SGCZ: variants seen among roughly 807,000 people sequenced by gnomAD.
SGCZ encodes sarcoglycan zeta, also known as zeta-sarcoglycan.
SGCZ carries 40 observed loss-of-function variants against 41.3 expected under a neutral mutation model. That is an observed-to-expected ratio of 0.97 (90% CI 0.75 to 1.26). SGCZ has a LOEUF of 1.26. SGCZ is among the 50% of genes most tolerant of loss of function. The pLI, the probability that SGCZ is intolerant of heterozygous loss-of-function variation, is 0.00. For synonymous variants in SGCZ, 206 were observed against 137.5 expected, an observed-to-expected ratio of 1.50 and a Z score of -3.49; for missense variants, 552 against 369.8, an observed-to-expected ratio of 1.49 and a Z score of -4.04.
chr8:14,488,994 AAT>A (rs1428816139), intron 2 of SGCZ, among the ~76,000 whole-genome samples: 3 of 149,134 alleles, frequency 2.0e-5, no homozygotes, highest in African/African-American at 7.3e-5. Context: ...AGATATACAT[AAT>A]ATATATGTAT....
At position 14,142,999 on chromosome 8, in the gene SGCZ, T is replaced by TAAA. The variant is rs75035278; in HGVS notation, c.547+21578_547+21580dup. ...CAATAAAACGTTTTTCTTTATAAAT[T>TAAA]AAAAAAAAAAAAAGAATCAACCAAC... is the stretch of plus-strand genomic sequence containing the variant. On this transcript the variant is annotated intron_variant, in intron 5 of 7. Transcript: ENST00000382080. Among the ~76,000 whole-genome samples the TAAA allele has an allele frequency of 2.9e-3, 409 of 142,686 alleles. 1 individual carries two copies. The highest frequency in any genetic ancestry group is 9.7e-3 in the African/African-American group (379 of 38,924). The allele number at this position is 142,686 out of a possible 152,430, so 93.6% of individuals were successfully genotyped here.
chr8:14,501,484 A>G (rs921598213), intron 2 of SGCZ, among the ~76,000 whole-genome samples: 9 of 152,088 alleles, frequency 5.9e-5, no homozygotes, highest in African/African-American at 1.9e-4. Context: ...TATACCATAT[A>G]AATGTATTTT....
chr8:14,860,834 G>A (rs888251490), intron 1 of SGCZ, among the ~76,000 whole-genome samples: 3 of 152,084 alleles, frequency 2.0e-5, no homozygotes, highest in Non-Finnish European at 2.9e-5. Flanking sequence ...AAGACCCCAC[G>A]CTCAGAAGGG....
intron 4 of SGCZ, among the ~76,000 whole-genome samples, chr8:14,168,595 C>T (rs958314328): frequency 8.5e-5 from 13 of 152,146 alleles, no homozygotes; most frequent in Non-Finnish European, 1.5e-4. Flanking sequence ...TGCCTGCAGC[C>T]ATGACTGTGA....
chr8:14,136,380 G>T (rs1803199107), intron 5 of SGCZ, among the ~76,000 whole-genome samples: 1 of 152,150 alleles, frequency 6.6e-6, no homozygotes, highest in Non-Finnish European at 1.5e-5. Flanking sequence ...AGGGGTCAGA[G>T]AATTCCCTTT....
intron 6 of SGCZ, among the ~76,000 whole-genome samples, chr8:14,103,990 C>T (rs1412232709): frequency 1.3e-5 from 2 of 152,172 alleles, no homozygotes; most frequent in African/African-American, 2.4e-5. Context: ...AACACAGTAT[C>T]AACAATTAAA....
intron 1 of SGCZ, among the ~76,000 whole-genome samples, chr8:15,227,832 A>G (rs557472981): frequency 1.3e-5 from 2 of 152,340 alleles, no homozygotes; most frequent in African/African-American, 4.8e-5. Flanking sequence ...TAAACATCAG[A>G]AAGCTGAGAC....
At chr8:14,188,920 C>A (rs959877959) in intron 4 of SGCZ, among the ~76,000 whole-genome samples, 7 of 150,444 alleles carry the variant, frequency 4.7e-5, no homozygotes, top group African/African-American at 1.7e-4. Flanking sequence ...CAACCTCCAT[C>A]ACCCGGGTTC....
chr8:14,579,028 T>C (rs1804802471), intron 1 of SGCZ, among the ~76,000 whole-genome samples: 1 of 152,166 alleles, frequency 6.6e-6, no homozygotes, highest in Non-Finnish European at 1.5e-5. Flanking sequence ...TTTGCCTTTA[T>C]CCATTCCTCC....
chr8:14,630,325 G>C (rs1189167723), intron 1 of SGCZ, among the ~76,000 whole-genome samples: 3 of 151,992 alleles, frequency 2.0e-5, no homozygotes, highest in Middle Eastern at 3.4e-3. Context: ...TGTTCTAAGA[G>C]AGAGGCTTGG....
At chr8:14,811,992 T>C (rs1046210830) in intron 1 of SGCZ, among the ~76,000 whole-genome samples, 1 of 151,968 alleles carries the variant, frequency 6.6e-6, no homozygotes, top group African/African-American at 2.4e-5. Context: ...GATATGCAAC[T>C]CAGGAATGGG....
chr8:14,521,417 C>T (rs1035611877), intron 2 of SGCZ, among the ~76,000 whole-genome samples: 2 of 151,970 alleles, frequency 1.3e-5, no homozygotes, highest in African/African-American at 4.8e-5. Flanking sequence ...ATGACACAAA[C>T]CTATGTTTAC....
chr8:14,280,270 T>C (rs778168030), intron 3 of SGCZ, among the ~76,000 whole-genome samples: 3 of 151,880 alleles, frequency 2.0e-5, no homozygotes, highest in Non-Finnish European at 1.5e-5. Flanking sequence ...GAGAAAAATA[T>C]GATATTCACT....
chr8:14,106,985 G>A (rs956812110), intron 6 of SGCZ, among the ~76,000 whole-genome samples: 3 of 152,158 alleles, frequency 2.0e-5, no homozygotes, highest in African/African-American at 7.2e-5. Flanking sequence ...GGGAGGCCGA[G>A]GAGGGCGGAT....
chr8:14,824,735 T>A (rs1802235601), intron 1 of SGCZ, among the ~76,000 whole-genome samples: 1 of 152,102 alleles, frequency 6.6e-6, no homozygotes, highest in Admixed American at 6.6e-5. Flanking sequence ...ACCTTGAGCT[T>A]ACATTCCCCT....
intron 1 of SGCZ, among the ~76,000 whole-genome samples, chr8:15,078,611 T>C (rs1805630774): frequency 6.6e-6 from 1 of 152,144 alleles, no homozygotes; most frequent in Non-Finnish European, 1.5e-5. Context: ...TTGGTCTGTT[T>C]ACAATTATCT....
intron 1 of SGCZ, among the ~76,000 whole-genome samples, chr8:14,627,964 G>A (rs1266231631): frequency 6.6e-6 from 1 of 152,050 alleles, no homozygotes; most frequent in African/African-American, 2.4e-5. Flanking sequence ...TTTGGAGGAT[G>A]TGAAGAATCT....
intron 3 of SGCZ, among the ~76,000 whole-genome samples, chr8:14,306,930 T>A (rs1264782049): frequency 6.6e-6 from 1 of 152,208 alleles, no homozygotes; most frequent in African/African-American, 2.4e-5. Context: ...TTATAGCAGC[T>A]TGTTTAAATA....
chr8:15,040,609 A>G (rs1375318939), intron 1 of SGCZ, among the ~76,000 whole-genome samples: 2 of 152,198 alleles, frequency 1.3e-5, no homozygotes, highest in African/African-American at 4.8e-5. Flanking sequence ...CAACAAGAGC[A>G]AAACTCTATC....
Sources: allele counts gnomAD v4.1 joint callset (sites outside exome capture counted in the v4.1 genomes callset), GRCh38; gene constraint gnomAD v4.1.1; transcripts MANE v1.5; gene names NCBI Gene and HGNC (gene_info 2026-07-23, HGNC 2026-07-21).